The following DPP10 variants were observed in gnomAD, a reference collection of about 807,000 sequenced individuals.
DPP10 encodes the protein dipeptidyl peptidase like 10.
In DPP10, 33 loss-of-function variants were observed where a neutral mutation model predicts 120.9. That is an observed-to-expected ratio of 0.27 (90% CI 0.21 to 0.37). The LOEUF (loss-of-function observed/expected upper bound fraction) is 0.37. Among genes scored for constraint, DPP10 ranks in the 10% least tolerant of loss-of-function variants. The pLI, the probability that DPP10 is intolerant of heterozygous loss-of-function variation, is 1.00. For synonymous variants in DPP10, 337 were observed against 326.1 expected, an observed-to-expected ratio of 1.03 and a Z score of -0.36; for missense variants, 816 against 942.8, an observed-to-expected ratio of 0.87 and a Z score of 1.76.
chr2:115,472,111 G>A (rs2074766565), intron 3 of DPP10, among the ~76,000 whole-genome samples: 1 of 151,838 alleles, frequency 6.6e-6, no homozygotes, highest in Non-Finnish European at 1.5e-5. Flanking sequence ...ATCCTTCTAG[G>A]TGCCTGCATG....
chr2:115,826,033 G>A (rs1237100172), intron 21 of DPP10, among the ~76,000 whole-genome samples: 1 of 152,228 alleles, frequency 6.6e-6, no homozygotes, highest in Non-Finnish European at 1.5e-5. Flanking sequence ...CAGGTCACTT[G>A]AGGTTACATT....
intron 3 of DPP10, among the ~76,000 whole-genome samples, chr2:115,352,264 GAAAAA>G (rs770662208): frequency 6.6e-6 from 1 of 151,720 alleles, no homozygotes; most frequent in African/African-American, 2.4e-5. Flanking sequence ...TTTAAAATAA[GAAAAA>G]AAAGCTTGGG....
intron 1 of DPP10, among the ~76,000 whole-genome samples, chr2:114,764,790 C>T (rs977906835): frequency 6.6e-6 from 1 of 152,022 alleles, no homozygotes; most frequent in African/African-American, 2.4e-5. Context: ...AAAGTGTTTC[C>T]TTCCTATACC....
At chr2:115,806,697 C>T (rs1686014753) in intron 19 of DPP10, among the ~76,000 whole-genome samples, 1 of 152,164 alleles carries the variant, frequency 6.6e-6, no homozygotes. Flanking sequence ...TATGTATTGT[C>T]AGCCTCAGTA....
intron 1 of DPP10, among the ~76,000 whole-genome samples, chr2:114,845,059 T>G (rs1688434982): frequency 6.6e-6 from 1 of 152,126 alleles, no homozygotes; most frequent in Non-Finnish European, 1.5e-5. Context: ...GAAACCCAAG[T>G]ATGTATGATT....
chr2:115,676,514 C>A (rs1044416421), intron 5 of DPP10, among the ~76,000 whole-genome samples: 5 of 151,544 alleles, frequency 3.3e-5, no homozygotes. Context: ...AAAAAAGAAC[C>A]AAACAGACAT....
At chr2:115,515,050 A>G (rs760815545) in intron 4 of DPP10, among the ~76,000 whole-genome samples, 9 of 151,858 alleles carry the variant, frequency 5.9e-5, no homozygotes, top group Non-Finnish European at 1.0e-4. Context: ...TATCCACTTA[A>G]TGTATCTTGA....
chr2:114,724,670 G>A (rs1701928961), intron 1 of DPP10, among the ~76,000 whole-genome samples: 1 of 152,148 alleles, frequency 6.6e-6, no homozygotes, highest in African/African-American at 2.4e-5. Flanking sequence ...TTACATCAAA[G>A]GTGAACTTTA....
intron 7 of DPP10, among the ~76,000 whole-genome samples, chr2:115,705,327 A>T (rs1276310157): frequency 6.6e-6 from 1 of 151,952 alleles, no homozygotes; most frequent in African/African-American, 2.4e-5. Flanking sequence ...ATACAAAAGT[A>T]ATTATTTTTA....
At chr2:114,685,886 C>G (rs1007119826) in intron 1 of DPP10, among the ~76,000 whole-genome samples, 1 of 151,922 alleles carries the variant, frequency 6.6e-6, no homozygotes, top group African/African-American at 2.4e-5. Context: ...TGCATTATTC[C>G]CACAGCAGCT....
intron 1 of DPP10, among the ~76,000 whole-genome samples, chr2:114,629,068 G>A (rs546464352): frequency 6.6e-6 from 1 of 152,188 alleles, no homozygotes; most frequent in South Asian, 2.1e-4. Context: ...ACCTCCCATG[G>A]GTTATTTTAA....
At chr2:115,330,220 G>T (rs1031549554) in intron 2 of DPP10, among the ~76,000 whole-genome samples, 2 of 152,046 alleles carry the variant, frequency 1.3e-5, no homozygotes, top group Non-Finnish European at 2.9e-5. Flanking sequence ...GTGTCTTTTG[G>T]CTGCATAAAT....
chr2:114,655,105 A>C (rs979872222), intron 1 of DPP10, among the ~76,000 whole-genome samples: 1 of 152,168 alleles, frequency 6.6e-6, no homozygotes, highest in East Asian at 1.9e-4. Context: ...TTTTAGTAAG[A>C]CTGAATAAGA....
intron 1 of DPP10, among the ~76,000 whole-genome samples, chr2:114,572,825 G>A (rs1244522204): frequency 6.6e-6 from 1 of 152,176 alleles, no homozygotes. Context: ...GAAGTTGAGT[G>A]GTCATGCTGA....
At chr2:115,599,177 G>A (rs1410973731) in intron 5 of DPP10, among the ~76,000 whole-genome samples, 1 of 151,758 alleles carries the variant, frequency 6.6e-6, no homozygotes, top group Non-Finnish European at 1.5e-5. Flanking sequence ...TGTCTTATTT[G>A]GCATTTGCTC....
At chr2:114,881,662 G>A (rs146865519) in intron 1 of DPP10, among the ~76,000 whole-genome samples, 1 of 147,684 alleles carries the variant, frequency 6.8e-6, no homozygotes, top group African/African-American at 2.5e-5. Context: ...TAAACTAACA[G>A]GTTTAGTTAG....
At chr2:115,657,136 A>C (rs1405589317) in intron 5 of DPP10, among the ~76,000 whole-genome samples, 2 of 151,652 alleles carry the variant, frequency 1.3e-5, no homozygotes, top group Non-Finnish European at 3.0e-5. Context: ...ATGTATAAGG[A>C]ATAAATTTAA....
Position 115,263,395 on chromosome 2 carries a change from C to G in DPP10, c.61-45844C>G, listed in dbSNP as rs1376767247. Among the ~76,000 whole-genome samples, 12 of 152,258 alleles carry G rather than the reference C, an allele frequency of 7.9e-5. No homozygotes were observed. In the East Asian group the frequency reaches 2.3e-3, roughly 29 times the overall value. On this transcript the variant is annotated intron_variant, in intron 1 of 25. Coordinates refer to ENST00000410059, the MANE Select transcript of DPP10 (RefSeq NM_020868.6). ...GTGTTGTGGCTTAATGTCTAATTGC[C>G]TTTTTATTTAAAATTCTGACTTTGG...
intron 1 of DPP10, among the ~76,000 whole-genome samples, chr2:114,920,764 G>T (rs1695142850): frequency 6.6e-6 from 1 of 152,088 alleles, no homozygotes; most frequent in South Asian, 2.1e-4. Flanking sequence ...GCTAATCATG[G>T]TTTTTCCACT....
Sources: allele counts gnomAD v4.1 joint callset (sites outside exome capture counted in the v4.1 genomes callset), GRCh38; gene constraint gnomAD v4.1.1; transcripts MANE v1.5; gene names NCBI Gene and HGNC (gene_info 2026-07-23, HGNC 2026-07-21).